The following LRRC4C variants were observed in gnomAD, a reference collection of about 807,000 sequenced individuals.
The protein encoded by LRRC4C is leucine-rich repeat-containing protein 4C.
LRRC4C carries 5 observed loss-of-function variants against 33.6 expected under a neutral mutation model. That is an observed-to-expected ratio of 0.15 (90% confidence interval 0.08 to 0.31). LRRC4C has a LOEUF of 0.31. LRRC4C is among the 10% of genes least tolerant of loss of function. LRRC4C has a pLI of 1.00. For synonymous variants in LRRC4C, 329 were observed against 302.0 expected (o/e 1.09, Z -0.93); for missense variants, 560 against 796.7 (o/e 0.70, Z 3.58).
chr11:40,129,822 C>T (rs1393947317), intron 6 of LRRC4C, among the ~76,000 whole-genome samples: 1 of 152,108 alleles, frequency 6.6e-6, no homozygotes, highest in African/African-American at 2.4e-5. Context: ...AAGGCTATGG[C>T]GGCTCCAAAC....
At chr11:40,586,368 A>G (rs927321146) in intron 3 of LRRC4C, among the ~76,000 whole-genome samples, 2 of 146,522 alleles carry the variant, frequency 1.4e-5, no homozygotes, top group African/African-American at 5.1e-5. Flanking sequence ...TAGATTCTGG[A>G]TATTAGCCCT....
chr11:41,411,142 A>ATTTTTTTTTTTTTTTTTTTT lies in LRRC4C; in HGVS notation c.-496+48269_-496+48288dup, dbSNP rs370574515. Among the ~76,000 whole-genome samples, 63 of 57,218 alleles carry ATTTTTTTTTTTTTTTTTTTT rather than the reference A, an allele frequency of 1.1e-3. 8 individuals carry two copies. The highest frequency in any genetic ancestry group is 4.0e-3 in the African/African-American group (34 of 8,600). The allele number at this position is 57,218 out of a possible 152,430, so 37.5% of individuals were successfully genotyped here. On this transcript the variant is annotated intron_variant, in intron 1 of 6. Transcript: ENST00000528697. ...ATGAGAAACACTTGGTTGGTACCCT[A>ATTTTTTTTTTTTTTTTTTTT]TTTTTTTTTTTTTTTTTTTTTTTTG...
At chr11:41,436,590 A>T (rs1348910667) in intron 1 of LRRC4C, among the ~76,000 whole-genome samples, 1 of 152,236 alleles carries the variant, frequency 6.6e-6, no homozygotes, top group Non-Finnish European at 1.5e-5. Flanking sequence ...GAAATGACTG[A>T]CCAGCCTCCA....
chr11:40,728,625 CAA>C (rs60355454), intron 2 of LRRC4C, among the ~76,000 whole-genome samples: 2 of 51,268 alleles, frequency 3.9e-5, no homozygotes, highest in Non-Finnish European at 7.2e-5. Context: ...GACTCCGTCT[CAA>C]AAAAAAAAAA....
At chr11:40,180,411 AC>A (rs1185826157) in intron 5 of LRRC4C, among the ~76,000 whole-genome samples, 2 of 152,148 alleles carry the variant, frequency 1.3e-5, no homozygotes, top group Non-Finnish European at 2.9e-5. Context: ...AACCCCTCCT[AC>A]CCTATCCTCT....
intron 2 of LRRC4C, among the ~76,000 whole-genome samples, chr11:40,840,088 A>T (rs1952847727): frequency 6.6e-6 from 1 of 152,196 alleles, no homozygotes; most frequent in Non-Finnish European, 1.5e-5. Context: ...AATCTAAGAG[A>T]TATGTACTTG....
At chr11:41,229,484 C>A (rs1210563483) in intron 1 of LRRC4C, among the ~76,000 whole-genome samples, 2 of 152,096 alleles carry the variant, frequency 1.3e-5, no homozygotes, top group Non-Finnish European at 2.9e-5. Flanking sequence ...TGTGTCATTG[C>A]ATATTCACCT....
chr11:41,313,951 T>C (rs1950712393), intron 1 of LRRC4C, among the ~76,000 whole-genome samples: 1 of 152,172 alleles, frequency 6.6e-6, no homozygotes, highest in Non-Finnish European at 1.5e-5. Context: ...TTGTTTTCCT[T>C]GTTTATCTTG....
At chr11:41,320,953 G>A (rs1591260572) in intron 1 of LRRC4C, among the ~76,000 whole-genome samples, 2 of 152,280 alleles carry the variant, frequency 1.3e-5, no homozygotes, top group South Asian at 4.1e-4. Flanking sequence ...GCTGCTCACA[G>A]TTTCCTGCCA....
chr11:40,501,626 A>C (rs1954776883), intron 3 of LRRC4C, among the ~76,000 whole-genome samples: 1 of 152,110 alleles, frequency 6.6e-6, no homozygotes, highest in Non-Finnish European at 1.5e-5. Flanking sequence ...TCATCCCTGG[A>C]GTGGCTGGGA....
intron 2 of LRRC4C, among the ~76,000 whole-genome samples, chr11:40,771,226 C>T (rs1429022219): frequency 6.6e-6 from 1 of 152,182 alleles, no homozygotes; most frequent in Non-Finnish European, 1.5e-5. Flanking sequence ...TGTGCACCCA[C>T]AGGACAAACA....
At chr11:40,805,245 T>C (rs1951194658) in intron 2 of LRRC4C, among the ~76,000 whole-genome samples, 1 of 152,132 alleles carries the variant, frequency 6.6e-6, no homozygotes, top group Admixed American at 6.5e-5. Context: ...TAGGATCCTA[T>C]GGCAGCTATC....
chr11:41,324,997 T>C (rs896978339), intron 1 of LRRC4C, among the ~76,000 whole-genome samples: 1 of 152,222 alleles, frequency 6.6e-6, no homozygotes, highest in African/African-American at 2.4e-5. Context: ...TTTTTGTTAA[T>C]GGTGATGTCT....
At chr11:40,619,167 G>A (rs1194134394) in intron 3 of LRRC4C, among the ~76,000 whole-genome samples, 11 of 151,642 alleles carry the variant, frequency 7.3e-5, no homozygotes, top group Non-Finnish European at 1.5e-4. Context: ...TTTGGAGATG[G>A]TTAATTGGTA....
intron 2 of LRRC4C, among the ~76,000 whole-genome samples, chr11:40,914,258 A>T (rs1275648454): frequency 3.9e-5 from 6 of 152,234 alleles, no homozygotes; most frequent in Non-Finnish European, 8.8e-5. Flanking sequence ...AGAGAATTTT[A>T]GGCCAATATC....
At chr11:41,443,139 T>A (rs950032031) in intron 1 of LRRC4C, among the ~76,000 whole-genome samples, 19 of 137,456 alleles carry the variant, frequency 1.4e-4, no homozygotes, top group Non-Finnish European at 2.5e-4. Context: ...TCCAACCTCA[T>A]CATATTAACA....
intron 1 of LRRC4C, among the ~76,000 whole-genome samples, chr11:41,343,305 T>C (rs1197663095): frequency 6.6e-6 from 1 of 152,104 alleles, no homozygotes; most frequent in East Asian, 1.9e-4. Flanking sequence ...CTGATAACAG[T>C]GAAGTGAGTG....
At chr11:40,908,743 A>G (rs889211233) in intron 2 of LRRC4C, among the ~76,000 whole-genome samples, 2 of 152,138 alleles carry the variant, frequency 1.3e-5, no homozygotes, top group African/African-American at 4.8e-5. Flanking sequence ...TTAGACCTTG[A>G]TTTGAGTGTA....
chr11:40,133,570 C>T (rs905736386), intron 6 of LRRC4C, among the ~76,000 whole-genome samples: 8 of 152,120 alleles, frequency 5.3e-5, no homozygotes, highest in South Asian at 4.1e-4. Flanking sequence ...TATTCTCTAA[C>T]GCTATACCTA....
Sources: allele counts gnomAD v4.1 joint callset (sites outside exome capture counted in the v4.1 genomes callset), GRCh38; gene constraint gnomAD v4.1.1; transcripts MANE v1.5; gene names NCBI Gene and HGNC (gene_info 2026-07-23, HGNC 2026-07-21).